Variants in MMP16 observed in about 807,000 individuals in gnomAD.
The protein encoded by MMP16 is matrix metallopeptidase 16, also known as matrix metalloproteinase-16.
A neutral mutation model predicts 67.8 loss-of-function variants in MMP16; 12 were observed. The observed-to-expected ratio is 0.18, with a 90% CI of 0.11 to 0.29. The LOEUF (loss-of-function observed/expected upper bound fraction) is 0.29, where lower values mean the gene tolerates loss of function less well. MMP16 is among the 10% of genes least tolerant of loss of function. The probability of loss-of-function intolerance (pLI) is 1.00; values close to 1 mark genes in which losing one functional copy is unlikely to be tolerated. For synonymous variants in MMP16, 249 were observed against 255.9 expected (o/e 0.97, Z 0.26); for missense variants, 475 against 765.7 (o/e 0.62, Z 4.48).
chr8:88,050,411 A>G (rs963001063), intron 8 of MMP16, among the ~76,000 whole-genome samples: 15 of 152,262 alleles, frequency 9.9e-5, no homozygotes, highest in African/African-American at 3.6e-4. Flanking sequence ...TAACATTAAT[A>G]CATACCTAGC....
intron 4 of MMP16, among the ~76,000 whole-genome samples, chr8:88,161,641 G>T (rs1172726042): frequency 6.6e-6 from 1 of 152,002 alleles, no homozygotes; most frequent in African/African-American, 2.4e-5. Flanking sequence ...TAATTGTGAT[G>T]TTAGGGTGTT....
chr8:88,156,618 T>C (rs1337389437), intron 4 of MMP16, among the ~76,000 whole-genome samples: 1 of 151,772 alleles, frequency 6.6e-6, no homozygotes, highest in East Asian at 1.9e-4. Flanking sequence ...CAAAAAAAAG[T>C]TACAAAACTA....
chr8:88,206,960 C>A (rs1470478920), intron 1 of MMP16, among the ~76,000 whole-genome samples: 4 of 152,140 alleles, frequency 2.6e-5, no homozygotes, highest in South Asian at 4.2e-4. Flanking sequence ...GGTTTCAATC[C>A]ATTTATATGT....
At chr8:88,122,105 C>T (rs1373586614) in intron 4 of MMP16, among the ~76,000 whole-genome samples, 1 of 151,996 alleles carries the variant, frequency 6.6e-6, no homozygotes, top group African/African-American at 2.4e-5. Context: ...CATTGCACTG[C>T]TTACATTTTT....
chr8:88,079,683 T>C (rs1808714318), intron 6 of MMP16, among the ~76,000 whole-genome samples: 1 of 152,178 alleles, frequency 6.6e-6, no homozygotes, highest in African/African-American at 2.4e-5. Context: ...CAAATTCTTA[T>C]GTTGAAATCC....
intron 7 of MMP16, among the ~76,000 whole-genome samples, chr8:88,059,201 T>C (rs1024547406): frequency 1.1e-4 from 16 of 152,058 alleles, no homozygotes; most frequent in African/African-American, 3.9e-4. Flanking sequence ...GTTGAGATTA[T>C]CCTGGGATGA....
chr8:88,047,769 T>C (rs1350742587), intron 8 of MMP16, among the ~76,000 whole-genome samples: 3 of 152,180 alleles, frequency 2.0e-5, no homozygotes, highest in Non-Finnish European at 2.9e-5. Flanking sequence ...AAATCATATA[T>C]ATTTTGAACA....
At chr8:88,081,822 T>C (rs1328892800) in intron 6 of MMP16, among the ~76,000 whole-genome samples, 1 of 152,082 alleles carries the variant, frequency 6.6e-6, no homozygotes, top group Non-Finnish European at 1.5e-5. Context: ...GACAAAAGCA[T>C]TTGTTGCTCA....
intron 1 of MMP16, among the ~76,000 whole-genome samples, chr8:88,211,057 T>C (rs900998655): frequency 1.1e-4 from 17 of 152,072 alleles, no homozygotes; most frequent in Admixed American, 3.9e-4. Context: ...GATACAAGTG[T>C]CATTGTAACT....
chr8:88,263,055 A>AAT (rs1441276222), intron 1 of MMP16, among the ~76,000 whole-genome samples: 215 of 128,924 alleles, frequency 1.7e-3, no homozygotes, highest in African/African-American at 6.8e-3. Flanking sequence ...AATAAAATAA[A>AAT]AAAAGTTTTT....
chr8:88,265,754 A>C (rs1277078140), intron 1 of MMP16, among the ~76,000 whole-genome samples: 1 of 152,206 alleles, frequency 6.6e-6, no homozygotes, highest in Non-Finnish European at 1.5e-5. Context: ...GCTTTGGAAA[A>C]TAATGTAACT....
At chr8:88,077,772 T>C (rs1808675357) in intron 6 of MMP16, among the ~76,000 whole-genome samples, 1 of 152,186 alleles carries the variant, frequency 6.6e-6, no homozygotes, top group Non-Finnish European at 1.5e-5. Context: ...TAAGATGTTT[T>C]CTTACTGAAA....
intron 6 of MMP16, among the ~76,000 whole-genome samples, chr8:88,106,471 T>G (rs1809243825): frequency 6.6e-6 from 1 of 151,350 alleles, no homozygotes; most frequent in African/African-American, 2.4e-5. Context: ...TGACTGTTTA[T>G]GTACACAGCC....
At position 88,058,415 on chromosome 8, in the gene MMP16, G is replaced by A. The variant is rs114404226; in HGVS notation, c.1223-2137C>T. Among the ~76,000 whole-genome samples, 1,521 of 152,214 alleles carry A rather than the reference G, an allele frequency of 1.0e-2. 18 individuals carry two copies. The highest frequency in any genetic ancestry group is 0.034 in the African/African-American group (1,426 of 41,542). Reference sequence around the variant, plus strand: ...GTACATGTACCAGGCACTGTTGTAGGCACTACTGATAGAGAAGTGAACCAG... The same window carrying A: ...GTACATGTACCAGGCACTGTTGTAGACACTACTGATAGAGAAGTGAACCAG... On this transcript the variant is annotated intron_variant, in intron 7 of 9. Coordinates refer to ENST00000286614, the MANE Select transcript of MMP16 (RefSeq NM_005941.5). This position sits in a 1 kb window ranked among gnomAD's most constrained non-coding sequence, Gnocchi z 4.2.
chr8:88,075,791 A>G (rs1808638715), intron 6 of MMP16, among the ~76,000 whole-genome samples: 1 of 152,252 alleles, frequency 6.6e-6, no homozygotes, highest in East Asian at 1.9e-4. Flanking sequence ...AAATACTTCC[A>G]TTTTAATTCT....
chr8:88,270,871 C>G (rs1412324682), intron 1 of MMP16, among the ~76,000 whole-genome samples: 1 of 152,206 alleles, frequency 6.6e-6, no homozygotes, highest in East Asian at 1.9e-4. Context: ...AACTGCCTTA[C>G]TTTAATCGCA....
At position 88,323,435 on chromosome 8, in the gene MMP16, T is replaced by C. The variant is rs575369498; in HGVS notation, c.132+3640A>G. Among the ~76,000 whole-genome samples the C allele has an allele frequency of 7.9e-5, 12 of 152,316 alleles. No individual in the cohort carries two copies. The East Asian group carries it at 2.3e-3, about 29-fold the overall frequency. On this transcript the variant is annotated intron_variant, in intron 1 of 9. Coordinates refer to ENST00000286614, the MANE Select transcript of MMP16 (RefSeq NM_005941.5). ...TTAGGAAATAGTTATACTCAATTCA[T>C]ATTTGTCATAAAAGACCCCTTTGAA...
At chr8:88,196,069 G>C (rs886611875) in intron 2 of MMP16, among the ~76,000 whole-genome samples, 7 of 152,150 alleles carry the variant, frequency 4.6e-5, no homozygotes, top group African/African-American at 1.7e-4. Flanking sequence ...CTTTTCTCAA[G>C]GTATATAGCA....
At chr8:88,107,659 G>A (rs990353307) in intron 6 of MMP16, among the ~76,000 whole-genome samples, 2 of 151,084 alleles carry the variant, frequency 1.3e-5, no homozygotes, top group Non-Finnish European at 3.0e-5. Context: ...CTACAATAAA[G>A]TTCTAACTTT....
Sources: allele counts gnomAD v4.1 joint callset (sites outside exome capture counted in the v4.1 genomes callset), GRCh38; gene constraint gnomAD v4.1.1; non-coding constraint Gnocchi (gnomAD v3.1); transcripts MANE v1.5; gene names NCBI Gene and HGNC (gene_info 2026-07-23, HGNC 2026-07-21).